The following RCN2 variants were observed in gnomAD, a reference collection of about 807,000 sequenced individuals.
The protein encoded by RCN2 is reticulocalbin-2.
RCN2 carries 23 observed loss-of-function variants against 37.5 expected under a neutral mutation model. The ratio of observed to expected loss-of-function variants is 0.61; its 90% confidence interval spans 0.44 to 0.87. The LOEUF (loss-of-function observed/expected upper bound fraction) is 0.87. RCN2 is among the 40% of genes least tolerant of loss of function. The pLI is 0.00. For missense variants in RCN2, 381 were observed against 390.4 expected (o/e 0.98, Z 0.20); for synonymous variants, 140 against 144.6 (o/e 0.97, Z 0.23).
intron 4 of RCN2, among the ~76,000 whole-genome samples, chr15:76,946,213 T>G (rs2075296027): frequency 6.6e-6 from 1 of 152,170 alleles, no homozygotes; most frequent in African/African-American, 2.4e-5. Context: ...CCCAGCACTT[T>G]GGGAGGCCAA....
intron 6 of RCN2, 71 bp from the exon 7 acceptor site, chr15:76,948,999 A>G: frequency 7.4e-7 from 1 of 1,353,742 alleles, no homozygotes; most frequent in Non-Finnish European, 1.0e-6. Context: ...GACAAGTCAA[A>G]TCACATTAAA....
chr15:76,952,130 C>A lies in RCN2; in HGVS notation c.*2908C>A, dbSNP rs534966500. 6 of 152,196 alleles carry A rather than the reference C, an allele frequency of 3.9e-5. No homozygotes were observed. Among genetic ancestry groups the A allele is most frequent in the African/African-American group, 1.4e-4 (6 of 41,488 alleles). The allele number at this position is 152,196 out of a possible 1,614,324, so 9.4% of individuals were successfully genotyped here. On this transcript the variant is annotated 3_prime_UTR_variant, in exon 7 of 7. Coordinates refer to ENST00000394885, the MANE Select transcript of RCN2 (RefSeq NM_002902.3). ...TGCCCCACATACGTACAGCCTCCCCCACTATCCTATCCTATATGTCATGAG... is the reference window on the plus strand; with the variant it reads ...TGCCCCACATACGTACAGCCTCCCCAACTATCCTATCCTATATGTCATGAG...
Position 76,932,388 on chromosome 15 carries a change from G to A in RCN2, c.172G>A (p.Gly58Ser), listed in dbSNP as rs761688264. The change falls in exon 2 of 7, where the codon GGC becomes AGC. Residue 58 changes from glycine to serine, a missense_variant. Gly to Ser is a moderately conservative substitution (Grantham distance 56). Coordinates refer to ENST00000394885, the MANE Select transcript of RCN2 (RefSeq NM_002902.3). Reference protein sequence around the residue: ...QEDVDEYVKLGHEEQQKRLQA... With the variant: ...QEDVDEYVKLSHEEQQKRLQA... The stretch of plus-strand genomic sequence containing the variant: ...AGATGTGGATGAATATGTTAAACTC[G>A]GCCACGAAGAGCAGCAAAAAAGACT... The A allele has an allele frequency of 3.5e-5, 56 of 1,613,686 alleles. No individual in the cohort carries two copies. Among genetic ancestry groups the A allele is most frequent in the Non-Finnish European group, 9.3e-6 (11 of 1,179,834 alleles).
In RCN2 at chr15:76,931,863, G is replaced by T; in HGVS notation, c.22G>T (p.Ala8Ser). The T allele has an allele frequency of 7.8e-6, 10 of 1,281,918 alleles. No homozygotes were observed. The highest frequency in any genetic ancestry group is 9.8e-6 in the Non-Finnish European group (10 of 1,016,708). The allele number at this position is 1,281,918 out of a possible 1,614,324, so 79.4% of individuals were successfully genotyped here. ...CGCGATGCGGCTGGGCCCGAGGACCGCGGCGTTGGGGCTGCTGCTGCTGTG... is the reference window on the plus strand; with the variant it reads ...CGCGATGCGGCTGGGCCCGAGGACCTCGGCGTTGGGGCTGCTGCTGCTGTG... MRLGPRT[A>S]ALGLLLLCAA... is the part of the protein sequence containing the mutation. The change falls in exon 1 of 7, where the codon GCG becomes TCG. Residue 8 changes from alanine to serine, a missense_variant. Ala to Ser is a moderately conservative substitution (Grantham distance 99). Coordinates refer to ENST00000394885, the MANE Select transcript of RCN2 (RefSeq NM_002902.3).
intron 4 of RCN2, among the ~76,000 whole-genome samples, chr15:76,944,680 G>A (rs1349124343): frequency 6.6e-6 from 1 of 152,196 alleles, no homozygotes; most frequent in African/African-American, 2.4e-5. Flanking sequence ...CATCCATGCT[G>A]TTGTGTGGAT....
chr15:76,939,268 AAATAAAT>A lies in RCN2; in HGVS notation c.447+3549_447+3555del, dbSNP rs879434538. Among the ~76,000 whole-genome samples, 677 of 148,832 alleles carry A rather than the reference AAATAAAT, an allele frequency of 4.5e-3. 4 individuals are homozygous for A. Among genetic ancestry groups the A allele is most frequent in the African/African-American group, 0.015 (601 of 39,078 alleles). On this transcript the variant is annotated intron_variant, in intron 3 of 6. Coordinates refer to ENST00000394885, the MANE Select transcript of RCN2 (RefSeq NM_002902.3). ...TAAATAAATAAATAAATAAATAAAT[AAATAAAT>A]AAAAATTTCCTCTTTAGGATTATAA...
intron 4 of RCN2, among the ~76,000 whole-genome samples, chr15:76,945,818 C>T (rs769600657): frequency 6.6e-5 from 10 of 152,224 alleles, no homozygotes; most frequent in Non-Finnish European, 1.3e-4. Flanking sequence ...ATTAATACCA[C>T]TTCTCTTGCC....
At chr15:76,933,007 C>CA (rs1384254386) in intron 2 of RCN2, among the ~76,000 whole-genome samples, 3 of 151,940 alleles carry the variant, frequency 2.0e-5, no homozygotes, top group African/African-American at 7.3e-5. Context: ...GTGCCTTCTA[C>CA]AAATAAGTGG....
intron 3 of RCN2, 123 bp downstream of exon 3, chr15:76,935,845 C>T (rs1049376455): frequency 2.5e-5 from 16 of 648,504 alleles, no homozygotes; most frequent in East Asian, 9.2e-5. Flanking sequence ...AGGAAATCAC[C>T]TGTTCCACTT....
chr15:76,931,793 C>G lies in RCN2; in HGVS notation c.-49C>G. On this transcript the variant is annotated 5_prime_UTR_variant, in exon 1 of 7. Transcript: ENST00000394885. ...GAGCATCGCAGCCGGCCCGGGCCCC[C>G]GCCAGCCTCCCTCCTCGCGTCCCTC... 8.4e-7 allele frequency: 1 copy of G among 1,193,492 alleles called. No homozygotes were observed. The highest frequency in any genetic ancestry group is 1.0e-6 in the Non-Finnish European group (1 of 962,460). 73.9% of individuals were successfully genotyped at this position (1,193,492 alleles called of 1,614,324 possible). A position where few individuals can be genotyped will look rare whatever the true frequency, so the allele number is the denominator to read the frequency against.
At chr15:76,944,084 C>T (rs1481087484) in intron 4 of RCN2, among the ~76,000 whole-genome samples, 1 of 150,830 alleles carries the variant, frequency 6.6e-6, no homozygotes, top group Non-Finnish European at 1.5e-5. Flanking sequence ...GCTCCGCCTC[C>T]CGTGTTCACG....
chr15:76,939,919 A>G (rs961770657), intron 3 of RCN2, among the ~76,000 whole-genome samples: 1 of 152,238 alleles, frequency 6.6e-6, no homozygotes, highest in African/African-American at 2.4e-5. Context: ...GAAGAGATAC[A>G]TGACTCATAA....
chr15:76,941,084 A>T (rs1160802063), intron 3 of RCN2, among the ~76,000 whole-genome samples: 1 of 152,050 alleles, frequency 6.6e-6, no homozygotes, highest in Non-Finnish European at 1.5e-5. Flanking sequence ...CCCACGCTGG[A>T]GTGCAGTGGG....
intron 3 of RCN2, among the ~76,000 whole-genome samples, chr15:76,940,282 T>C (rs2075271392): frequency 6.6e-6 from 1 of 151,106 alleles, no homozygotes; most frequent in Non-Finnish European, 1.5e-5. Flanking sequence ...CTGGACAACA[T>C]AGTGAAACCT....
chr15:76,946,502 A>G (rs2075297439), intron 4 of RCN2, among the ~76,000 whole-genome samples: 1 of 152,186 alleles, frequency 6.6e-6, no homozygotes. Context: ...CTGTAATCCC[A>G]GCACTTTGGG....
At chr15:76,946,701 G>A (rs2075298146) in intron 4 of RCN2, among the ~76,000 whole-genome samples, 2 of 152,088 alleles carry the variant, frequency 1.3e-5, no homozygotes, top group African/African-American at 4.8e-5. Flanking sequence ...GTAGTGTGCT[G>A]AGATCATACC....
At chr15:76,938,222 C>A (rs1415273591) in intron 3 of RCN2, among the ~76,000 whole-genome samples, 1 of 152,038 alleles carries the variant, frequency 6.6e-6, no homozygotes, top group Non-Finnish European at 1.5e-5. Flanking sequence ...TTGGTATATA[C>A]CTTTTAATTT....
At chr15:76,948,924 G>A in intron 6 of RCN2, 146 bp from the exon 7 acceptor site, 1 of 751,874 alleles carries the variant, frequency 1.3e-6, no homozygotes. Context: ...GACGGACCTG[G>A]TTACAACGTG....
chr15:76,938,800 G>A (rs762968638), intron 3 of RCN2: 11 of 454,810 alleles, frequency 2.4e-5, no homozygotes, highest in South Asian at 6.2e-5. Context: ...AGCACTTCAC[G>A]GTTGTGTAAC....
Sources: gnomAD v4.1 joint callset for allele counts (sites outside exome capture counted in the v4.1 genomes callset) on GRCh38, gnomAD v4.1.1 for gene constraint, MANE v1.5 for transcripts, NCBI Gene and HGNC (gene_info 2026-07-23, HGNC 2026-07-21) for gene names.